The following TRAPPC3 variants were observed in gnomAD, a reference collection of about 807,000 sequenced individuals.
TRAPPC3 encodes trafficking protein particle complex subunit 3.
Under a neutral mutation model 18.2 loss-of-function variants are expected in TRAPPC3, and 5 were observed. That is an observed-to-expected ratio of 0.28 (90% CI 0.14 to 0.58). The LOEUF (loss-of-function observed/expected upper bound fraction) is 0.58. TRAPPC3 is among the 20% of genes least tolerant of loss of function. The pLI is 0.91. For missense variants in TRAPPC3, 176 were observed against 225.9 expected, an observed-to-expected ratio of 0.78 and a Z score of 1.41; for synonymous variants, 65 against 84.2, an observed-to-expected ratio of 0.77 and a Z score of 1.25.
intron 1 of TRAPPC3, among the ~76,000 whole-genome samples, chr1:36,144,749 TAACAGTAA>T (rs1644168250): frequency 6.6e-6 from 1 of 152,174 alleles, no homozygotes; most frequent in Non-Finnish European, 1.5e-5. Flanking sequence ...TCAAAAAAAG[TAACAGTAA>T]AACAGTAAAA....
chr1:36,145,115 G>A (rs754575837), intron 1 of TRAPPC3, among the ~76,000 whole-genome samples: 13 of 151,988 alleles, frequency 8.6e-5, no homozygotes, highest in African/African-American at 1.4e-4. Flanking sequence ...TCTGCCTCCC[G>A]GGTTCCTGCC....
intron 1 of TRAPPC3, among the ~76,000 whole-genome samples, chr1:36,148,615 C>A (rs1008717904): frequency 6.6e-6 from 1 of 151,604 alleles, no homozygotes; most frequent in Non-Finnish European, 1.5e-5. Flanking sequence ...GAGGGAAGAA[C>A]GAAAGAAAAA....
intron 1 of TRAPPC3, among the ~76,000 whole-genome samples, chr1:36,146,764 A>G (rs185121094): frequency 2.2e-4 from 32 of 148,276 alleles, no homozygotes; most frequent in Admixed American, 1.5e-3. Flanking sequence ...GAAGATACAC[A>G]GTATATATGG....
At chr1:36,151,106 T>C (rs1242454442), upstream of TRAPPC3, among the ~76,000 whole-genome samples, 2 of 152,158 alleles carry the variant, frequency 1.3e-5, no homozygotes, top group African/African-American at 4.8e-5. Flanking sequence ...CTGCCTGGGA[T>C]TCCTCCTCTT....
chr1:36,139,156 ATT>A (rs368101649), intron 3 of TRAPPC3, among the ~76,000 whole-genome samples: 220 of 115,474 alleles, frequency 1.9e-3, no homozygotes, highest in African/African-American at 7.8e-3. Context: ...GTGAGTCTGT[ATT>A]TTTTTTTTTT....
At chr1:36,143,525 G>C (rs1304681294) in intron 1 of TRAPPC3, among the ~76,000 whole-genome samples, 2 of 152,112 alleles carry the variant, frequency 1.3e-5, no homozygotes, top group East Asian at 3.8e-4. Flanking sequence ...CAGCCCTTGT[G>C]ACTTTTAAAA....
intron 1 of TRAPPC3, among the ~76,000 whole-genome samples, chr1:36,155,055 A>C (rs7339895): frequency 0.19 from 28,893 of 152,160 alleles, 6,397 homozygotes; most frequent in African/African-American, 0.49. Flanking sequence ...AGGAAGGAGA[A>C]ACTGGAGGGA....
chr1:36,138,119 G>C (rs1309312638), intron 3 of TRAPPC3, 141 bp from the exon 4 acceptor site: 2 of 1,557,422 alleles, frequency 1.3e-6, no homozygotes, highest in Non-Finnish European at 1.7e-6. Flanking sequence ...CAGATACTCA[G>C]GACAACAAAG....
chr1:36,143,236 C>T (rs1290931635), intron 1 of TRAPPC3, among the ~76,000 whole-genome samples: 1 of 140,752 alleles, frequency 7.1e-6, no homozygotes, highest in Non-Finnish European at 1.5e-5. Context: ...AGATTGGGGG[C>T]ATTTACGTGT....
Position 36,149,242 on chromosome 1 carries a change from G to A in TRAPPC3, c.42+95C>T, listed in dbSNP as rs1363608440. The A allele has an allele frequency of 1.7e-5, 26 of 1,573,626 alleles. No homozygotes were observed. In the Admixed American group the frequency reaches 4.8e-4, roughly 29 times the overall value. On this transcript the variant is annotated intron_variant, in intron 1 of 4. Coordinates refer to ENST00000373166, the MANE Select transcript of TRAPPC3 (RefSeq NM_014408.5). ...TCCCCTTGCCAGAGCTCACAGGAAG[G>A]CCCTTTTCCAAACGCACCTCGCGCT...
rs531801676 is a variant in TRAPPC3 at position 36,146,531 on chromosome 1, G to A, written c.42+2806C>T. 2.4e-4 allele frequency among the ~76,000 whole-genome samples: 34 copies of A among 140,364 alleles called. No individual in the cohort carries two copies. In the East Asian group the frequency reaches 6.5e-3, roughly 27 times the overall value. The allele number at this position is 140,364 out of a possible 152,430, so 92.1% of individuals were successfully genotyped here. On this transcript the variant is annotated intron_variant, in intron 1 of 4. Coordinates refer to ENST00000373166, the MANE Select transcript of TRAPPC3 (RefSeq NM_014408.5). ...CATCTCCTGACCTCGTGATCTGCCC[G>A]CCTTGGCCTCCCAAAGTGCTGGGAT... is the stretch of plus-strand genomic sequence containing the variant.
At chr1:36,141,617 T>TTAG (rs1644108619) in intron 1 of TRAPPC3, among the ~76,000 whole-genome samples, 1 of 152,122 alleles carries the variant, frequency 6.6e-6, no homozygotes, top group Non-Finnish European at 1.5e-5. Flanking sequence ...AGGCAGGAAT[T>TTAG]AACCCCACTT....
chr1:36,140,017 C>T, intron 2 of TRAPPC3, 52 bp downstream of exon 2: 1 of 1,507,900 alleles, frequency 6.6e-7, no homozygotes, highest in Non-Finnish European at 9.0e-7. Flanking sequence ...AATGTAGACT[C>T]AGTGTGCTGG....
At chr1:36,151,168 T>G (rs1050898392), upstream of TRAPPC3, among the ~76,000 whole-genome samples, 2 of 152,090 alleles carry the variant, frequency 1.3e-5, no homozygotes, top group Non-Finnish European at 2.9e-5. Context: ...GAATGAACAG[T>G]GGGGGTGGGG....
chr1:36,145,970 G>A (rs1194735659), intron 1 of TRAPPC3, among the ~76,000 whole-genome samples: 1 of 151,408 alleles, frequency 6.6e-6, no homozygotes, highest in East Asian at 1.9e-4. Flanking sequence ...AGTAGAGACA[G>A]GGTTTCACCG....
At chr1:36,139,245 G>A (rs898104305) in intron 3 of TRAPPC3, among the ~76,000 whole-genome samples, 7 of 138,296 alleles carry the variant, frequency 5.1e-5, no homozygotes, top group Admixed American at 8.0e-5. Flanking sequence ...TGCAACCTCC[G>A]CCTCCTGGGT....
At chr1:36,154,276 T>A (rs1309832676), upstream of TRAPPC3, among the ~76,000 whole-genome samples, 1 of 152,132 alleles carries the variant, frequency 6.6e-6, no homozygotes, top group Non-Finnish European at 1.5e-5. Flanking sequence ...ATTGCTGGGA[T>A]TACAGTGTGA....
chr1:36,147,058 C>CA (rs1181788348), intron 1 of TRAPPC3, among the ~76,000 whole-genome samples: 2 of 152,022 alleles, frequency 1.3e-5, no homozygotes, highest in Non-Finnish European at 2.9e-5. Flanking sequence ...CTTCAAGAAA[C>CA]AAAAAATGAA....
chr1:36,141,776 G>A (rs898788589), intron 1 of TRAPPC3, among the ~76,000 whole-genome samples: 1 of 151,858 alleles, frequency 6.6e-6, no homozygotes, highest in Non-Finnish European at 1.5e-5. Flanking sequence ...TGGCTAACAC[G>A]GTGAAACCCC....
Sources: allele counts gnomAD v4.1 joint callset (sites outside exome capture counted in the v4.1 genomes callset), GRCh38; gene constraint gnomAD v4.1.1; transcripts MANE v1.5; gene names NCBI Gene and HGNC (gene_info 2026-07-23, HGNC 2026-07-21).